CHRM3: variants seen among roughly 807,000 people sequenced by gnomAD.
The protein encoded by CHRM3 is muscarinic acetylcholine receptor M3.
In CHRM3, 11 loss-of-function variants were observed where a neutral mutation model predicts 41.8. The ratio of observed to expected loss-of-function variants is 0.26; its 90% CI spans 0.17 to 0.44. CHRM3 has a LOEUF of 0.44. Ranked by LOEUF, CHRM3 falls within the 20% of genes least tolerant of loss-of-function variation. The pLI is 1.00. For synonymous variants in CHRM3, 297 were observed against 301.4 expected (o/e 0.99, Z 0.15); for missense variants, 571 against 745.4 (o/e 0.77, Z 2.72).
chr1:239,546,439 G>T (rs894559843), intron 3 of CHRM3: 3 of 152,112 alleles, frequency 2.0e-5, no homozygotes, highest in African/African-American at 7.2e-5. Flanking sequence ...AAATGGTGTT[G>T]TCTGTGGTCA....
intron 4 of CHRM3, among the ~76,000 whole-genome samples, chr1:239,640,994 T>C (rs894669361): frequency 4.3e-4 from 65 of 152,024 alleles, no homozygotes; most frequent in Admixed American, 2.1e-3. Context: ...TCAAAGAACA[T>C]CTTTATTTCT....
chr1:239,631,610 C>G (rs1175311834), intron 3 of CHRM3, among the ~76,000 whole-genome samples: 2 of 152,154 alleles, frequency 1.3e-5, no homozygotes, highest in Non-Finnish European at 2.9e-5. Flanking sequence ...CTAGGTTAAC[C>G]TTCTAATGGA....
At chr1:239,477,286 G>A (rs1265677155) in intron 1 of CHRM3, among the ~76,000 whole-genome samples, 1 of 152,170 alleles carries the variant, frequency 6.6e-6, no homozygotes, top group Admixed American at 6.5e-5. Context: ...GCATCTTGAG[G>A]ACTACAAAGT....
chr1:239,633,858 A>G (rs542286691), intron 4 of CHRM3, among the ~76,000 whole-genome samples: 1 of 152,278 alleles, frequency 6.6e-6, no homozygotes, highest in African/African-American at 2.4e-5. Flanking sequence ...TCCCTAATTT[A>G]GAAGAGCTTA....
At chr1:239,479,669 A>G (rs1218813746) in intron 1 of CHRM3, among the ~76,000 whole-genome samples, 2 of 152,254 alleles carry the variant, frequency 1.3e-5, no homozygotes, top group East Asian at 3.8e-4. Flanking sequence ...AAACCTGTGC[A>G]GCATGTTACT....
chr1:239,861,385 A>C (rs942243125), intron 6 of CHRM3, among the ~76,000 whole-genome samples: 23 of 152,126 alleles, frequency 1.5e-4, no homozygotes, highest in African/African-American at 5.6e-4. Context: ...TTGTGTATTA[A>C]CTAGCAAAAA....
chr1:239,800,792 A>C (rs1558133615), intron 5 of CHRM3, among the ~76,000 whole-genome samples: 1 of 152,230 alleles, frequency 6.6e-6, no homozygotes, highest in East Asian at 1.9e-4. Flanking sequence ...ATCAAACTAT[A>C]TTTTTTAAAA....
At chr1:239,515,247 T>C (rs1035429633) in intron 2 of CHRM3, among the ~76,000 whole-genome samples, 1 of 151,992 alleles carries the variant, frequency 6.6e-6, no homozygotes, top group African/African-American at 2.4e-5. Context: ...AATTTTTGTC[T>C]AAAAATGCAT....
At chr1:239,450,482 T>C (rs2103316918) in intron 1 of CHRM3, among the ~76,000 whole-genome samples, 1 of 152,340 alleles carries the variant, frequency 6.6e-6, no homozygotes, top group African/African-American at 2.4e-5. Flanking sequence ...AAAGCATGAT[T>C]TTCAGATCTT....
chr1:239,581,014 G>A (rs1390452568), intron 3 of CHRM3, among the ~76,000 whole-genome samples: 2 of 151,596 alleles, frequency 1.3e-5, no homozygotes, highest in Non-Finnish European at 2.9e-5. Context: ...TAAACCTCAG[G>A]ATACTGCAAA....
At chr1:239,680,472 G>C (rs1658450046) in intron 5 of CHRM3, among the ~76,000 whole-genome samples, 1 of 152,044 alleles carries the variant, frequency 6.6e-6, no homozygotes, top group Non-Finnish European at 1.5e-5. Context: ...CACAAGTATA[G>C]AAATGACAGA....
At chr1:239,590,569 T>A (rs543616613) in intron 3 of CHRM3, among the ~76,000 whole-genome samples, 2 of 152,264 alleles carry the variant, frequency 1.3e-5, no homozygotes, top group South Asian at 2.1e-4. Flanking sequence ...ATTAAAAAAA[T>A]TAGAGATTAA....
chr1:239,797,659 C>T (rs951631492), intron 5 of CHRM3, among the ~76,000 whole-genome samples: 2 of 152,152 alleles, frequency 1.3e-5, no homozygotes, highest in Non-Finnish European at 2.9e-5. Context: ...ATTTTCAGTG[C>T]AGTTGTCATC....
intron 4 of CHRM3, among the ~76,000 whole-genome samples, chr1:239,666,175 C>A (rs1044863669): frequency 6.9e-6 from 1 of 144,714 alleles, no homozygotes; most frequent in Non-Finnish European, 1.5e-5. Flanking sequence ...TCCTCTCCAG[C>A]GTCTGTTGTT....
At chr1:239,805,979 G>A (rs1221843555) in intron 5 of CHRM3, among the ~76,000 whole-genome samples, 6 of 152,100 alleles carry the variant, frequency 3.9e-5, no homozygotes, top group Admixed American at 3.3e-4. Flanking sequence ...AAACAAAACA[G>A]GAATCTCTCT....
chr1:239,459,738 C>A (rs1665215067), intron 1 of CHRM3, among the ~76,000 whole-genome samples: 1 of 152,068 alleles, frequency 6.6e-6, no homozygotes. Context: ...TTTTGTCTAC[C>A]AGTGCCATAA....
At chr1:239,878,007 C>G (rs2102850210) in intron 6 of CHRM3, among the ~76,000 whole-genome samples, 1 of 151,852 alleles carries the variant, frequency 6.6e-6, no homozygotes, top group South Asian at 2.1e-4. Context: ...TCTCCTGCCT[C>G]AGCCTCCCGA....
intron 2 of CHRM3, among the ~76,000 whole-genome samples, chr1:239,537,256 A>G (rs2148366998): frequency 6.6e-6 from 1 of 152,254 alleles, no homozygotes; most frequent in Non-Finnish European, 1.5e-5. Flanking sequence ...AGACAGGGTA[A>G]TTTATTAAGA....
intron 5 of CHRM3, among the ~76,000 whole-genome samples, chr1:239,775,683 G>A (rs913497453): frequency 3.3e-5 from 5 of 152,290 alleles, no homozygotes; most frequent in East Asian, 3.9e-4. Flanking sequence ...AGAGGAAATC[G>A]TGGAATAGCA....
Sources: gnomAD v4.1 joint callset for allele counts (sites outside exome capture counted in the v4.1 genomes callset) on GRCh38, gnomAD v4.1.1 for gene constraint, MANE v1.5 for transcripts, NCBI Gene and HGNC (gene_info 2026-07-23, HGNC 2026-07-21) for gene names.